Variants in ZZEF1 observed in about 807,000 individuals in gnomAD.
The protein encoded by ZZEF1 is zinc finger ZZ-type and EF-hand domain containing 1, also known as zinc finger ZZ-type and EF-hand domain-containing protein 1.
A neutral mutation model predicts 342.8 loss-of-function variants in ZZEF1; 157 were observed. That is an observed-to-expected ratio of 0.46 (90% CI 0.40 to 0.52). The LOEUF (loss-of-function observed/expected upper bound fraction) is 0.52, where lower values mean the gene tolerates loss of function less well. ZZEF1 is among the 20% of genes least tolerant of loss of function. ZZEF1 has a pLI of 0.00. For synonymous variants in ZZEF1, 1,505 were observed against 1,429.1 expected (o/e 1.05, Z -1.20); for missense variants, 3,480 against 3,725.6 (o/e 0.93, Z 1.72).
chr17:4,136,914 C>G (rs1472230724), intron 1 of ZZEF1, among the ~76,000 whole-genome samples: 2 of 152,042 alleles, frequency 1.3e-5, no homozygotes, highest in African/African-American at 4.8e-5. Context: ...TCTCAAACTC[C>G]ATGCTGCTGG....
intron 1 of ZZEF1, among the ~76,000 whole-genome samples, chr17:4,127,671 G>A (rs1467574641): frequency 6.6e-6 from 1 of 152,076 alleles, no homozygotes; most frequent in Non-Finnish European, 1.5e-5. Context: ...GTGTGGACTA[G>A]AAAATACCAG....
chr17:4,098,753 T>C (rs1009661655), intron 9 of ZZEF1, among the ~76,000 whole-genome samples: 2 of 152,178 alleles, frequency 1.3e-5, no homozygotes, highest in Non-Finnish European at 2.9e-5. Context: ...ATGTGCAAAA[T>C]GAGTCACCAA....
chr17:4,022,897 C>A, intron 43 of ZZEF1, 69 bp from the exon 44 acceptor site: 1 of 1,569,780 alleles, frequency 6.4e-7, no homozygotes, highest in South Asian at 1.2e-5. Flanking sequence ...AGCTGTAACT[C>A]AGTCTGTTCA....
intron 2 of ZZEF1, among the ~76,000 whole-genome samples, chr17:4,117,516 C>T (rs2058415313): frequency 6.6e-6 from 1 of 151,908 alleles, no homozygotes; most frequent in South Asian, 2.1e-4. Context: ...GGGGTGGTGG[C>T]AGGCGCCTGT....
chr17:4,061,663 C>T (rs116281456), intron 30 of ZZEF1, among the ~76,000 whole-genome samples: 31 of 152,288 alleles, frequency 2.0e-4, no homozygotes, highest in African/African-American at 7.0e-4. Context: ...CACTAAAACG[C>T]ATCACTATCC....
intron 12 of ZZEF1, among the ~76,000 whole-genome samples, chr17:4,089,106 G>C (rs1397576233): frequency 1.3e-5 from 2 of 152,136 alleles, no homozygotes; most frequent in African/African-American, 2.4e-5. Flanking sequence ...GTCAGGTTTG[G>C]GTAGATTACA....
chr17:4,072,839 A>C (rs893922865), intron 24 of ZZEF1, 83 bp from the exon 25 acceptor site: 9 of 1,389,738 alleles, frequency 6.5e-6, no homozygotes, highest in Middle Eastern at 4.4e-4. Flanking sequence ...AAAAGGTTAA[A>C]AAAAACCATG....
In ZZEF1 at chr17:4,089,341, C is replaced by T. The variant is rs2057900798; in HGVS notation, c.2026-448G>A. 1.3e-5 allele frequency among the ~76,000 whole-genome samples: 2 copies of T among 152,200 alleles called. 1 individual carries two copies. The highest frequency in any genetic ancestry group is 4.1e-4 in the South Asian group (2 of 4,828). On this transcript the variant is annotated intron_variant, in intron 12 of 54. Coordinates refer to ENST00000381638, the MANE Select transcript of ZZEF1 (RefSeq NM_015113.4). ...CTCAAATCTAGGGCCATTTTCCAAA[C>T]CCAACTTTCATGCAAACTACCTGCT... is the stretch of plus-strand genomic sequence containing the variant.
chr17:4,096,629 C>T lies in ZZEF1; in HGVS notation c.1744G>A (p.Val582Ile). 2 of 1,613,998 alleles carry T rather than the reference C, an allele frequency of 1.2e-6. No homozygotes were observed. Among genetic ancestry groups the T allele is most frequent in the Non-Finnish European group, 1.7e-6 (2 of 1,179,936 alleles). The change falls in exon 10 of 55, where the codon GTT becomes ATT. Residue 582 changes from valine (V) to isoleucine (I), a missense_variant. Physicochemically the swap from Val to Ile is conservative, Grantham distance 29. Around this residue, in one of 5 missense-constraint regions of ZZEF1, gnomAD observed 1,528 missense variants for 1,624.1 expected, o/e 0.94. Coordinates refer to ENST00000381638, the MANE Select transcript of ZZEF1 (RefSeq NM_015113.4). ...FSTGTESAFQ[V>I]TQIRIMVRRG... is the part of the protein sequence containing the mutation. ...ATTACCATAATTCTTATCTGTGTAA[C>T]TTGGAAGGCAGATTCAGTTCCGGTA...
In ZZEF1 at chr17:4,096,667, C is replaced by T. The variant is rs2058039171; in HGVS notation, c.1706G>A (p.Ser569Asn). The T allele has an allele frequency of 6.2e-7, 1 of 1,613,930 alleles. No individual in the cohort carries two copies. The highest frequency in any genetic ancestry group is 8.5e-7 in the Non-Finnish European group (1 of 1,179,998). Residue 569 changes from serine to asparagine, a missense_variant, in exon 10 of 55, where the codon AGC (serine) becomes AAC (asparagine). This residue lies in a region of ZZEF1 where 1,528 missense variants were observed against 1,624.1 expected (regional missense o/e 0.94). Transcript: ENST00000381638. Reference protein sequence around the residue: ...FLTETGKTRASTIFSTGTESA... With the variant: ...FLTETGKTRANTIFSTGTESA... ...TTCAGTTCCGGTAGAAAAAATAGTG[C>T]TGGCTCTGGTTTTTCCAGTTTCCGT... is the stretch of plus-strand genomic sequence containing the variant.
chr17:4,059,019 A>G, intron 31 of ZZEF1, 152 bp downstream of exon 31: 1 of 585,630 alleles, frequency 1.7e-6, no homozygotes, highest in Non-Finnish European at 2.7e-6. Flanking sequence ...ATAAGTTAAC[A>G]TTAGTGATTA....
At position 4,017,338 on chromosome 17, in the gene ZZEF1, G is replaced by A. The variant is rs1423281842; in HGVS notation, c.8001+33C>T. On this transcript the variant is annotated intron_variant, in intron 48 of 54. Coordinates refer to ENST00000381638, the MANE Select transcript of ZZEF1 (RefSeq NM_015113.4). The surrounding 1 kb of genome is among the most constrained non-coding windows in gnomAD (Gnocchi z 5.1). ...GCCTGTGGGGCAGAGGAAGAACCTGGTGGGTGAGCACAAGCTCAGTCTGCA... is the reference window on the plus strand; with the variant it reads ...GCCTGTGGGGCAGAGGAAGAACCTGATGGGTGAGCACAAGCTCAGTCTGCA... 1.9e-6 allele frequency: 3 copies of A among 1,552,054 alleles called. No individual in the cohort carries two copies. The highest frequency in any genetic ancestry group is 2.7e-5 in the African/African-American group (2 of 74,406).
chr17:4,083,576 C>T (rs1359939519), intron 16 of ZZEF1, among the ~76,000 whole-genome samples: 1 of 152,026 alleles, frequency 6.6e-6, no homozygotes, highest in Non-Finnish European at 1.5e-5. Context: ...CGGCAGGTGT[C>T]CCCAATTAGA....
At position 4,086,488 on chromosome 17, in the gene ZZEF1, T is replaced by A. The variant is rs761751380; in HGVS notation, c.2510A>T (p.Asp837Val). 1 of 1,614,076 alleles carries A rather than the reference T, an allele frequency of 6.2e-7. No individual in the cohort carries two copies. Among genetic ancestry groups the A allele is most frequent in the Non-Finnish European group, 8.5e-7 (1 of 1,179,990 alleles). Residue 837 changes from aspartate (D) to valine (V), a missense_variant and splice_region_variant, in exon 15 of 55, where the codon GAT (aspartate) becomes GTT (valine). This residue lies in a region of ZZEF1 where 1,528 missense variants were observed against 1,624.1 expected (regional missense o/e 0.94). Transcript: ENST00000381638. ...AAAGAGAAAACCCAAATCCCTACCA[T>A]CACACAAGTGTGTGTACAGCTCCTT... The part of the protein sequence containing the change: ...AAKELYTHLC[D>V]VVDKVDGDSV...
At chr17:4,022,306 G>A (rs1478284742) in intron 44 of ZZEF1, 2 of 171,526 alleles carry the variant, frequency 1.2e-5, no homozygotes, top group Non-Finnish European at 2.5e-5. Flanking sequence ...AGGTCTACGG[G>A]GAACAGTAAT....
At chr17:4,034,687 T>A (rs1449883088) in intron 39 of ZZEF1, among the ~76,000 whole-genome samples, 1 of 152,220 alleles carries the variant, frequency 6.6e-6, no homozygotes, top group Non-Finnish European at 1.5e-5. Flanking sequence ...TCTATGCATA[T>A]TTATTTACAC....
intron 42 of ZZEF1, among the ~76,000 whole-genome samples, chr17:4,030,260 C>G (rs1290937022): frequency 6.6e-6 from 1 of 152,052 alleles, no homozygotes; most frequent in African/African-American, 2.4e-5. Context: ...TTGCCACAAT[C>G]AGAAAATAAG....
At chr17:4,050,694 A>C in intron 36 of ZZEF1, 87 bp downstream of exon 36, 11 of 1,582,492 alleles carry the variant, frequency 7.0e-6, no homozygotes, top group Non-Finnish European at 9.4e-6. Flanking sequence ...GCCACCTGTA[A>C]ACTAAGCTTA....
In ZZEF1 at chr17:4,053,830, T is replaced by C. The variant is rs781850; in HGVS notation, c.5434+227A>G. Among the ~76,000 whole-genome samples, 73,839 of 152,178 alleles carry C rather than the reference T, an allele frequency of 0.49. 19,905 individuals are homozygous for C. The highest frequency in any genetic ancestry group is 0.74 in the African/African-American group (30,617 of 41,506). ...ATACACTGGTCCCGAGTGTTTATTATGTGGCTACACCCAGCATGATAGAAG... is the reference window on the plus strand; with the variant it reads ...ATACACTGGTCCCGAGTGTTTATTACGTGGCTACACCCAGCATGATAGAAG... On this transcript the variant is annotated intron_variant, in intron 34 of 54. Coordinates refer to ENST00000381638, the MANE Select transcript of ZZEF1 (RefSeq NM_015113.4).
Sources: allele counts gnomAD v4.1 joint callset (sites outside exome capture counted in the v4.1 genomes callset), GRCh38; gene constraint gnomAD v4.1.1; regional missense constraint gnomAD v4.1.1; non-coding constraint Gnocchi (gnomAD v3.1); transcripts MANE v1.5; gene names NCBI Gene and HGNC (gene_info 2026-07-23, HGNC 2026-07-21).